TEAD3: variants seen among roughly 807,000 people sequenced by gnomAD.
TEAD3 encodes the protein TEA domain transcription factor 3.
Under a neutral mutation model 55.6 loss-of-function variants are expected in TEAD3, and 15 were observed. The observed-to-expected ratio is 0.27, with a 90% CI of 0.18 to 0.42. The LOEUF is 0.42. Ranked by LOEUF, TEAD3 falls within the 10% of genes least tolerant of loss-of-function variation. The pLI is 1.00. For synonymous variants in TEAD3, 210 were observed against 232.2 expected, an observed-to-expected ratio of 0.90 and a Z score of 0.87; for missense variants, 407 against 576.8, an observed-to-expected ratio of 0.71 and a Z score of 3.01.
intron 1 of TEAD3, among the ~76,000 whole-genome samples, chr6:35,494,600 G>A (rs988431001): frequency 1.3e-5 from 2 of 152,124 alleles, no homozygotes; most frequent in Non-Finnish European, 2.9e-5. Context: ...GGAAGAAGAG[G>A]CTGCGACCTC....
rs1768667324 is a variant in TEAD3 at position 35,496,684 on chromosome 6, C to T, written c.-50+214G>A. 6.6e-6 allele frequency among the ~76,000 whole-genome samples: 1 copy of T among 151,952 alleles called. No homozygotes were observed. Among genetic ancestry groups the T allele is most frequent in the African/African-American group, 2.4e-5 (1 of 41,404 alleles). ...TTCCCGGACCAACTCGTCCCCGTCGCGGGGGGGTGGGGAGGGCGGGGGGCG... is the reference window on the plus strand; with the variant it reads ...TTCCCGGACCAACTCGTCCCCGTCGTGGGGGGGTGGGGAGGGCGGGGGGCG... On this transcript the variant is annotated intron_variant, in intron 1 of 12. Transcript: ENST00000639578. The surrounding 1 kb of genome is among the most constrained non-coding windows in gnomAD (Gnocchi z 4.8).
rs373621823 is a variant in TEAD3 at position 35,485,214 on chromosome 6, C to T, written c.203-590G>A. Among the ~76,000 whole-genome samples, 6 of 152,310 alleles carry T rather than the reference C, an allele frequency of 3.9e-5. No individual in the cohort carries two copies. Among genetic ancestry groups the T allele is most frequent in the East Asian group, 3.9e-4 (2 of 5,190 alleles). ...GCCTCCAATGTGCCTCCTACACTGG[C>T]GGCCTGTGTCAAGATGTGTCACTGA... On this transcript the variant is annotated intron_variant, in intron 2 of 12. Transcript: ENST00000639578. This position sits in a 1 kb window ranked among gnomAD's most constrained non-coding sequence, Gnocchi z 4.3.
chr6:35,494,376 A>G (rs2150919078), intron 1 of TEAD3, among the ~76,000 whole-genome samples: 1 of 152,338 alleles, frequency 6.6e-6, no homozygotes, highest in East Asian at 1.9e-4. Context: ...GAAGACAGGC[A>G]GAGCCCTTTC....
chr6:35,477,832 C>G (rs1249433961), intron 7 of TEAD3, among the ~76,000 whole-genome samples: 1 of 151,806 alleles, frequency 6.6e-6, no homozygotes, highest in African/African-American at 2.4e-5. Flanking sequence ...TGTTGCCACT[C>G]TCCAGCTTTT....
At chr6:35,493,965 A>G (rs1768588708) in intron 1 of TEAD3, among the ~76,000 whole-genome samples, 1 of 152,176 alleles carries the variant, frequency 6.6e-6, no homozygotes, top group Non-Finnish European at 1.5e-5. Context: ...GTTCTCAGGT[A>G]CAGAGGTGGC....
rs1768685076 is a variant in TEAD3, at chr6:35,496,954, C to G, written c.-106G>C. On this transcript the variant is annotated 5_prime_UTR_variant, in exon 1 of 13. Transcript: ENST00000639578. This position sits in a 1 kb window ranked among gnomAD's most constrained non-coding sequence, Gnocchi z 4.8. The stretch of plus-strand genomic sequence containing the variant: ...GGCCGCTCCGCCGGGCCCGAGGGAG[C>G]CGCAAGGGGGGCCGGGGAAGGGGGG... 2 of 151,658 alleles carry G rather than the reference C, an allele frequency of 1.3e-5. No homozygotes were observed. 9.4% of individuals were successfully genotyped at this position (151,658 alleles called of 1,614,324 possible).
At position 35,477,310 on chromosome 6, in the gene TEAD3, C is replaced by G; in HGVS notation, c.592+1G>C. The G allele has an allele frequency of 6.2e-7, 1 of 1,609,158 alleles. No homozygotes were observed. Among genetic ancestry groups the G allele is most frequent in the Non-Finnish European group, 8.5e-7 (1 of 1,179,724 alleles). On this transcript the variant is annotated splice_donor_variant, in intron 8 of 12. Coordinates refer to ENST00000639578, the Ensembl canonical transcript of TEAD3. LOFTEE classifies it high-confidence loss of function. ...GAGAGCACCTCGTGTGGGGAACTTA[C>G]TGCTGAGCGTCGGCGGCAGGGGCGG...
Position 35,486,444 on chromosome 6 carries a change from C to G in TEAD3, c.202+17G>C, listed in dbSNP as rs933824921. 5.6e-6 allele frequency: 9 copies of G among 1,602,366 alleles called. No homozygotes were observed. In the Admixed American group the frequency reaches 8.4e-5, roughly 15 times the overall value. ...GGGGGAAGGGCCGCAGTCCCGCCCG[C>G]GCCCCCCGGCACGCACCGTACATCT... is the stretch of plus-strand genomic sequence containing the variant. On this transcript the variant is annotated intron_variant, in intron 2 of 12. Coordinates refer to ENST00000639578, the Ensembl canonical transcript of TEAD3. The surrounding 1 kb of genome is among the most constrained non-coding windows in gnomAD (Gnocchi z 7.3).
chr6:35,489,537 G>A (rs567088314), intron 1 of TEAD3, among the ~76,000 whole-genome samples: 2 of 152,192 alleles, frequency 1.3e-5, no homozygotes, highest in Non-Finnish European at 2.9e-5. Context: ...AGCCCTTTCT[G>A]TGATGCCTCC....
At chr6:35,495,423 G>C (rs983170815) in intron 1 of TEAD3, among the ~76,000 whole-genome samples, 10 of 152,118 alleles carry the variant, frequency 6.6e-5, no homozygotes, top group Non-Finnish European at 1.5e-5. Flanking sequence ...TTCCCTCCCT[G>C]GGGGGGTAGG....
chr6:35,477,415 C>T (rs772627869), intron 7 of TEAD3, 43 bp from the exon 8 acceptor site: 46 of 1,563,694 alleles, frequency 2.9e-5, no homozygotes, highest in Non-Finnish European at 3.4e-5. Context: ...TCCCTCTTCC[C>T]TACCTTCCAC....
intron 1 of TEAD3, among the ~76,000 whole-genome samples, chr6:35,494,898 C>G (rs774591557): frequency 6.8e-6 from 1 of 147,386 alleles, no homozygotes; most frequent in Non-Finnish European, 1.5e-5. Context: ...CAGCCCTGTT[C>G]ATCTGGCTGA....
rs1768294167 is a variant in TEAD3 at position 35,483,009 on chromosome 6, C to T, written c.267+1551G>A. 6.6e-6 allele frequency among the ~76,000 whole-genome samples: 1 copy of T among 152,224 alleles called. No individual in the cohort carries two copies. The highest frequency in any genetic ancestry group is 1.5e-5 in the Non-Finnish European group (1 of 68,032). On this transcript the variant is annotated intron_variant, in intron 3 of 12. Transcript: ENST00000639578. The surrounding 1 kb of genome is among the most constrained non-coding windows in gnomAD (Gnocchi z 4.5). Reference sequence around the variant, plus strand: ...TTAACTAATTCAATGGCTGAGGATGCAAGGCTGGGAGGCCAACTACTGCCC... The same window carrying T: ...TTAACTAATTCAATGGCTGAGGATGTAAGGCTGGGAGGCCAACTACTGCCC...
At chr6:35,494,147 C>G (rs1484302580) in intron 1 of TEAD3, among the ~76,000 whole-genome samples, 1 of 152,214 alleles carries the variant, frequency 6.6e-6, no homozygotes, top group East Asian at 1.9e-4. Flanking sequence ...GAAGACAAGT[C>G]TCACCCACAT....
intron 1 of TEAD3, among the ~76,000 whole-genome samples, chr6:35,493,110 C>T (rs1323570961): frequency 6.6e-6 from 1 of 152,184 alleles, no homozygotes; most frequent in Non-Finnish European, 1.5e-5. Flanking sequence ...CTCTCGCTCG[C>T]ATACACAGTT....
chr6:35,476,699 C>T (rs1168406148), intron 8 of TEAD3, among the ~76,000 whole-genome samples: 22 of 152,360 alleles, frequency 1.4e-4, no homozygotes, highest in Non-Finnish European at 4.4e-5. Context: ...CAGAATCCCA[C>T]CATCTAGAAA....
At position 35,486,640 on chromosome 6, in the gene TEAD3, G is replaced by A. The variant is rs1341385654; in HGVS notation, c.23C>T (p.Ala8Val). ...CCGGGCCTCCCCGGGGCTGCTGCTG[G>A]CGTTCCAGCTGTTGGACGCTATTGT... The change falls in exon 2 of 13, where the codon GCC becomes GTC. Residue 8 changes from alanine to valine, a missense_variant. Coordinates refer to ENST00000639578, the Ensembl canonical transcript of TEAD3. The surrounding 1 kb of genome is among the most constrained non-coding windows in gnomAD (Gnocchi z 7.3). The A allele has an allele frequency of 6.2e-7, 1 of 1,612,832 alleles. No homozygotes were observed. Among genetic ancestry groups the A allele is most frequent in the East Asian group, 2.2e-5 (1 of 44,884 alleles).
intron 1 of TEAD3, among the ~76,000 whole-genome samples, chr6:35,495,871 CT>C (rs966208041): frequency 2.6e-5 from 4 of 152,242 alleles, no homozygotes; most frequent in Admixed American, 2.6e-4. Context: ...CAGGCCTGAC[CT>C]GGTTCTGCCC....
Position 35,476,026 on chromosome 6 carries a change from C to T in TEAD3, c.793G>A (p.Ala265Thr), listed in dbSNP as rs1350495787. The T allele has an allele frequency of 1.3e-6, 2 of 1,558,768 alleles. 1 individual carries two copies. Among genetic ancestry groups the T allele is most frequent in the South Asian group, 2.4e-5 (2 of 83,298 alleles). The change falls in exon 10 of 13, where the codon GCA becomes ACA. Residue 265 changes from alanine (A) to threonine (T), a missense_variant. By Grantham distance (58) the Ala-to-Thr change is moderately conservative. Transcript: ENST00000639578. ...TCATAGATCTGGCGCACATCTACTG[C>T]CTCCAGGGGTGGGTCTGAGAAGGCG...
Sources: allele counts gnomAD v4.1 joint callset (sites outside exome capture counted in the v4.1 genomes callset), GRCh38; gene constraint gnomAD v4.1.1; non-coding constraint Gnocchi (gnomAD v3.1); transcripts MANE v1.5; gene names NCBI Gene and HGNC (gene_info 2026-07-23, HGNC 2026-07-21).